The following LRP1B variants were observed in gnomAD, a reference collection of about 807,000 sequenced individuals.
LRP1B encodes the protein low-density lipoprotein receptor-related protein 1B.
In LRP1B, 217 loss-of-function variants were observed where a neutral mutation model predicts 556.6. The ratio of observed to expected loss-of-function variants is 0.39; its 90% CI spans 0.35 to 0.44. LRP1B has a LOEUF of 0.44. Ranked by LOEUF, LRP1B falls within the 20% of genes least tolerant of loss-of-function variation. The pLI, the probability that LRP1B is intolerant of heterozygous loss-of-function variation, is 1.00. For synonymous variants in LRP1B, 2,047 were observed against 1,865.8 expected, an observed-to-expected ratio of 1.10 and a Z score of -2.50; for missense variants, 5,053 against 5,620.8, an observed-to-expected ratio of 0.90 and a Z score of 3.23.
chr2:141,726,676 T>C (rs1693049951), intron 2 of LRP1B, among the ~76,000 whole-genome samples: 1 of 152,058 alleles, frequency 6.6e-6, no homozygotes, highest in African/African-American at 2.4e-5. Context: ...AGCAATAAAG[T>C]CTGGTGGCTT....
intron 27 of LRP1B, among the ~76,000 whole-genome samples, chr2:140,854,334 T>A (rs1046001975): frequency 6.6e-6 from 1 of 152,144 alleles, no homozygotes. Context: ...TAAGTTTCTA[T>A]GTACATACTA....
chr2:140,905,762 A>G (rs557733745), intron 22 of LRP1B, among the ~76,000 whole-genome samples: 39 of 152,224 alleles, frequency 2.6e-4, no homozygotes, highest in African/African-American at 9.1e-4. Flanking sequence ...AGTTGAGCTC[A>G]GTTCACAGTG....
chr2:141,023,717 C>G (rs988746436), intron 11 of LRP1B, among the ~76,000 whole-genome samples: 1 of 151,916 alleles, frequency 6.6e-6, no homozygotes, highest in South Asian at 2.1e-4. Flanking sequence ...GGCACATGAG[C>G]TGGACCTCCA....
chr2:140,659,123 T>TTC (rs1684999983), intron 41 of LRP1B, among the ~76,000 whole-genome samples: 1 of 144,870 alleles, frequency 6.9e-6, no homozygotes, highest in African/African-American at 2.5e-5. Flanking sequence ...TTTTTTTTTT[T>TTC]TTTTAGTGAA....
intron 2 of LRP1B, among the ~76,000 whole-genome samples, chr2:141,770,968 A>G (rs752451): frequency 0.39 from 59,512 of 152,182 alleles, 12,652 homozygotes; most frequent in Admixed American, 0.5. Context: ...TTAATTATAA[A>G]CAGAATGAAA....
chr2:140,340,977 A>G (rs1474273277), intron 77 of LRP1B, among the ~76,000 whole-genome samples: 1 of 151,646 alleles, frequency 6.6e-6, no homozygotes, highest in African/African-American at 2.4e-5. Flanking sequence ...TATCTATCAG[A>G]AAGAGGATGA....
At chr2:142,074,995 C>G (rs534025127) in intron 1 of LRP1B, among the ~76,000 whole-genome samples, 1 of 152,164 alleles carries the variant, frequency 6.6e-6, no homozygotes, top group Non-Finnish European at 1.5e-5. Context: ...GCGATTATAC[C>G]TTTAGGTAAA....
intron 1 of LRP1B, among the ~76,000 whole-genome samples, chr2:141,916,841 G>A (rs541913308): frequency 6.6e-6 from 1 of 152,130 alleles, no homozygotes; most frequent in South Asian, 2.1e-4. Context: ...CTGCGTGATG[G>A]GACATTCATA....
At chr2:140,867,992 A>G (rs999513643) in intron 26 of LRP1B, 107 bp downstream of exon 26, 27 of 1,320,488 alleles carry the variant, frequency 2.0e-5, no homozygotes, top group Admixed American at 5.2e-5. Context: ...ATACACCTCC[A>G]ATTTTAATAT....
chr2:142,117,867 C>T (rs532134415), intron 1 of LRP1B, among the ~76,000 whole-genome samples: 11 of 152,252 alleles, frequency 7.2e-5, no homozygotes, highest in African/African-American at 2.6e-4. Context: ...TCTGACCAGC[C>T]TGGCTGCTAT....
At chr2:141,375,965 C>G (rs368354666) in intron 3 of LRP1B, among the ~76,000 whole-genome samples, 3 of 152,080 alleles carry the variant, frequency 2.0e-5, no homozygotes, top group African/African-American at 7.2e-5. Context: ...CCCAGGCAAG[C>G]AGTGTGGGCA....
chr2:141,845,700 C>A (rs1324604823), intron 1 of LRP1B, among the ~76,000 whole-genome samples: 2 of 151,698 alleles, frequency 1.3e-5, no homozygotes, highest in African/African-American at 4.8e-5. Context: ...GTGGGAGATA[C>A]TAGAGAAATG....
In LRP1B at chr2:140,412,517, G is replaced by A. The variant is rs114603136; in HGVS notation, c.10415-26508C>T. ...TTTATCTCCCTAATTCTAAGTAAGC[G>A]TGAGTGCTCTATTGACTCACAGCCA... On this transcript the variant is annotated intron_variant, in intron 66 of 90. Transcript: ENST00000389484. Among the ~76,000 whole-genome samples the A allele has an allele frequency of 4.1e-3, 629 of 152,076 alleles. 5 individuals carry two copies. Among genetic ancestry groups the A allele is most frequent in the African/African-American group, 0.014 (588 of 41,516 alleles).
intron 3 of LRP1B, among the ~76,000 whole-genome samples, chr2:141,462,176 T>C (rs1681902893): frequency 6.6e-6 from 1 of 152,178 alleles, no homozygotes; most frequent in Non-Finnish European, 1.5e-5. Flanking sequence ...ATATATTTCA[T>C]TTGTAGTTCC....
At chr2:142,072,410 T>C (rs1185942589) in intron 1 of LRP1B, among the ~76,000 whole-genome samples, 5 of 151,992 alleles carry the variant, frequency 3.3e-5, no homozygotes, top group African/African-American at 1.2e-4. Context: ...TTAAAACTTA[T>C]TTTCTCAAGG....
At chr2:141,156,603 G>C (rs558748573) in intron 7 of LRP1B, among the ~76,000 whole-genome samples, 3 of 150,358 alleles carry the variant, frequency 2.0e-5, no homozygotes, top group African/African-American at 4.9e-5. Context: ...ACTCCATCCC[G>C]GGCGACAGGG....
intron 7 of LRP1B, among the ~76,000 whole-genome samples, chr2:141,074,648 T>A (rs1454625780): frequency 7.6e-6 from 1 of 130,992 alleles, no homozygotes; most frequent in Non-Finnish European, 1.7e-5. Context: ...ACATATATAA[T>A]TTTTTTCATC....
chr2:141,391,131 T>C (rs1387968442), intron 3 of LRP1B, among the ~76,000 whole-genome samples: 1 of 152,170 alleles, frequency 6.6e-6, no homozygotes, highest in Non-Finnish European at 1.5e-5. Flanking sequence ...TAAGATGGTA[T>C]TATTTTAACT....
intron 5 of LRP1B, among the ~76,000 whole-genome samples, chr2:141,234,112 T>A (rs1236527402): frequency 6.6e-6 from 1 of 152,082 alleles, no homozygotes; most frequent in African/African-American, 2.4e-5. Flanking sequence ...CAGAAAGTTG[T>A]AATCTATACA....
Sources: gnomAD v4.1 joint callset for allele counts (sites outside exome capture counted in the v4.1 genomes callset) on GRCh38, gnomAD v4.1.1 for gene constraint, MANE v1.5 for transcripts, NCBI Gene and HGNC (gene_info 2026-07-23, HGNC 2026-07-21) for gene names.